The following MGST1 variants were observed in gnomAD, a reference collection of about 807,000 sequenced individuals.
MGST1 encodes the protein glutathione S-transferase 12.
Under a neutral mutation model 8.9 loss-of-function variants are expected in MGST1, and 5 were observed. That is an observed-to-expected ratio of 0.56 (90% CI 0.29 to 1.19). The LOEUF is 1.19. Among genes scored for constraint, MGST1 ranks in the 50% most tolerant of loss-of-function variants. The probability of loss-of-function intolerance (pLI) is 0.08; values close to 1 mark genes in which losing one functional copy is unlikely to be tolerated. For missense variants in MGST1, 182 were observed against 187.4 expected (o/e 0.97, Z 0.17); for synonymous variants, 54 against 67.8 (o/e 0.80, Z 1.00).
chr12:16,418,763 C>A (rs1043879445), intron 1 of MGST1, among the ~76,000 whole-genome samples: 3 of 152,114 alleles, frequency 2.0e-5, no homozygotes, highest in African/African-American at 7.2e-5. Context: ...TAATGCCTAA[C>A]TCTTACACTT....
At chr12:16,399,819 T>C in intron 1 of MGST1, 2 of 1,215,448 alleles carry the variant, frequency 1.6e-6, no homozygotes, top group African/African-American at 1.5e-5. Flanking sequence ...ATGGCATTGA[T>C]CATGGTCACT....
intron 4 of MGST1, among the ~76,000 whole-genome samples, chr12:16,455,883 G>A (rs1443135057): frequency 2.0e-5 from 3 of 151,822 alleles, no homozygotes; most frequent in African/African-American, 7.2e-5. Context: ...TCAATAGTAA[G>A]TTATTGAAAC....
intron 1 of MGST1, among the ~76,000 whole-genome samples, chr12:16,432,725 C>T (rs201110311): frequency 4.0e-5 from 4 of 99,972 alleles, no homozygotes; most frequent in Admixed American, 1.1e-4. Flanking sequence ...CACACACACA[C>T]ACACACAGAG....
At position 16,560,282 on chromosome 12, in the gene MGST1, T is replaced by G. The variant is rs1421951420; in HGVS notation, n.483-29246T>G. ...TAGTAGCTTGTCTCTGGCATGGGAT[T>G]AAAGTTTACAGAACAGAAAAACGCT... is the stretch of plus-strand genomic sequence containing the variant. On this transcript the variant is annotated intron_variant and non_coding_transcript_variant, in intron 4 of 4. Transcript: ENST00000538857. The surrounding 1 kb of genome is among the most constrained non-coding windows in gnomAD (Gnocchi z 5.0). The G allele has an allele frequency of 2.0e-6, 2 of 993,454 alleles. No homozygotes were observed. The highest frequency in any genetic ancestry group is 2.9e-6 in the Non-Finnish European group (2 of 696,806). 61.5% of individuals were successfully genotyped at this position (993,454 alleles called of 1,614,324 possible). A position where few individuals can be genotyped will look rare whatever the true frequency, so the allele number is the denominator to read the frequency against.
rs142469943 is a variant in MGST1 at position 16,456,866 on chromosome 12, C to G, written n.482+73262C>G. 6.5e-3 allele frequency among the ~76,000 whole-genome samples: 990 copies of G among 151,972 alleles called. 4 individuals carry two copies. The highest frequency in any genetic ancestry group is 0.01 in the Non-Finnish European group (703 of 67,874). On this transcript the variant is annotated intron_variant and non_coding_transcript_variant, in intron 4 of 4. Coordinates refer to the MGST1 transcript ENST00000538857. ...CAATTCAGCTTCTGAAAACTGATAA[C>G]TTGCATTTGTTTCTCCACTTCTTCC...
chr12:16,506,778 G>T (rs1379196445), intron 4 of MGST1, among the ~76,000 whole-genome samples: 1 of 152,112 alleles, frequency 6.6e-6, no homozygotes, highest in East Asian at 1.9e-4. Context: ...ACTTTTTCTT[G>T]ACTGAACACT....
chr12:16,378,444 A>T (rs1392882938), downstream of MGST1, among the ~76,000 whole-genome samples: 1 of 152,178 alleles, frequency 6.6e-6, no homozygotes, highest in African/African-American at 2.4e-5. Context: ...TTTGTCAAAG[A>T]TCAGATAGTT....
At chr12:16,437,878 A>AG (rs1555103269) in exon 2 of MGST1, 1 of 149,984 alleles carries the variant, frequency 6.7e-6, no homozygotes, top group Admixed American at 6.7e-5. Context: ...GTAGAAAAAA[A>AG]CCCCTCTGAA....
At chr12:16,461,051 C>A (rs1941215087) in intron 4 of MGST1, among the ~76,000 whole-genome samples, 1 of 150,688 alleles carries the variant, frequency 6.6e-6, no homozygotes, top group African/African-American at 2.4e-5. Flanking sequence ...AAGAGTGAGA[C>A]AAAATAGAAG....
chr12:16,474,663 G>A (rs560273460), intron 4 of MGST1, among the ~76,000 whole-genome samples: 1 of 152,062 alleles, frequency 6.6e-6, no homozygotes, highest in East Asian at 1.9e-4. Flanking sequence ...TTCCCCTACT[G>A]CCACTTTTAT....
At chr12:16,528,015 G>C (rs1274230487) in intron 4 of MGST1, among the ~76,000 whole-genome samples, 1 of 152,028 alleles carries the variant, frequency 6.6e-6, no homozygotes, top group Non-Finnish European at 1.5e-5. Context: ...TTTAAATCCA[G>C]ATCTGTTGAT....
chr12:16,411,039 T>C (rs1861577), intron 1 of MGST1, among the ~76,000 whole-genome samples: 94,732 of 152,116 alleles, frequency 0.62, 30,875 homozygotes, highest in East Asian at 0.96. Context: ...GCTCTTCCTC[T>C]GTTCAACTAT....
At chr12:16,531,706 T>A (rs375295083) in intron 4 of MGST1, among the ~76,000 whole-genome samples, 1 of 152,068 alleles carries the variant, frequency 6.6e-6, no homozygotes, top group African/African-American at 2.4e-5. Context: ...GAGAGACAGG[T>A]TGGTAAAATG....
intron 4 of MGST1, among the ~76,000 whole-genome samples, chr12:16,540,928 A>T (rs2137212373): frequency 6.6e-6 from 1 of 152,328 alleles, no homozygotes; most frequent in East Asian, 1.9e-4. Context: ...AAAAATAAAA[A>T]TAAAGAAATT....
chr12:16,586,505 T>C lies in MGST1; in HGVS notation n.483-3023T>C, dbSNP rs906391837. 3.3e-5 allele frequency among the ~76,000 whole-genome samples: 5 copies of C among 152,118 alleles called. No individual in the cohort carries two copies. Among genetic ancestry groups the C allele is most frequent in the Admixed American group, 1.3e-4 (2 of 15,262 alleles). On this transcript the variant is annotated intron_variant and non_coding_transcript_variant, in intron 4 of 4. Coordinates refer to the MGST1 transcript ENST00000538857. This position sits in a 1 kb window ranked among gnomAD's most constrained non-coding sequence, Gnocchi z 4.3. ...CTCACGCTAAGCATTATCTTCTACGTCCACAGAAAAAAATCTGTTGTATAA... is the reference window on the plus strand; with the variant it reads ...CTCACGCTAAGCATTATCTTCTACGCCCACAGAAAAAAATCTGTTGTATAA...
rs568264482 is a variant in MGST1, at chr12:16,360,042, G to C, written c.221+2343G>C. Among the ~76,000 whole-genome samples the C allele has an allele frequency of 4.6e-5, 7 of 152,328 alleles. No individual in the cohort carries two copies. The South Asian group carries it at 1.4e-3, about 32-fold the overall frequency. Reference sequence around the variant, plus strand: ...GACCCCAGTTCTGTAAAGGTTCCGAGTCCTGGAGGAGGTGCAGCGACTGTG... The same window carrying C: ...GACCCCAGTTCTGTAAAGGTTCCGACTCCTGGAGGAGGTGCAGCGACTGTG... On this transcript the variant is annotated intron_variant, in intron 3 of 3. Coordinates refer to ENST00000396210, the MANE Select transcript of MGST1 (RefSeq NM_020300.5).
intron 4 of MGST1, among the ~76,000 whole-genome samples, chr12:16,556,042 A>G (rs1335960523): frequency 6.6e-6 from 1 of 152,112 alleles, no homozygotes; most frequent in Non-Finnish European, 1.5e-5. Context: ...GGACACCTCT[A>G]AGAAATAAAC....
chr12:16,358,773 T>A (rs1366164153), intron 3 of MGST1, among the ~76,000 whole-genome samples: 1 of 138,330 alleles, frequency 7.2e-6, no homozygotes, highest in Non-Finnish European at 1.5e-5. Context: ...TGGCCAAAAT[T>A]CATTCCTTTT....
chr12:16,487,288 C>G (rs932711215), intron 4 of MGST1, among the ~76,000 whole-genome samples: 1 of 152,104 alleles, frequency 6.6e-6, no homozygotes, highest in Non-Finnish European at 1.5e-5. Context: ...AAAACCAACA[C>G]CAACACCAAC....
Sources: allele counts gnomAD v4.1 joint callset (sites outside exome capture counted in the v4.1 genomes callset), GRCh38; gene constraint gnomAD v4.1.1; non-coding constraint Gnocchi (gnomAD v3.1); transcripts MANE v1.5; gene names NCBI Gene and HGNC (gene_info 2026-07-23, HGNC 2026-07-21).